RELB: variants seen among roughly 807,000 people sequenced by gnomAD.
RELB encodes RELB proto-oncogene, NF-kB subunit.
A neutral mutation model predicts 55.4 loss-of-function variants in RELB; 14 were observed. The observed-to-expected ratio is 0.25, with a 90% confidence interval of 0.17 to 0.40. RELB has a LOEUF of 0.40. Ranked by LOEUF, RELB falls within the 10% of genes least tolerant of loss-of-function variation. RELB has a pLI of 1.00. For missense variants in RELB, 669 were observed against 830.7 expected, an observed-to-expected ratio of 0.81 and a Z score of 2.39; for synonymous variants, 409 against 371.3, an observed-to-expected ratio of 1.10 and a Z score of -1.17.
intron 5 of RELB, 130 bp from the exon 6 acceptor site, chr19:45,025,199 C>T: frequency 1.5e-6 from 1 of 676,344 alleles, no homozygotes; most frequent in South Asian, 1.8e-5. Context: ...AATGCTGGGA[C>T]CCCTGGGCCT....
chr19:45,015,531 T>A (rs1057355628), intron 4 of RELB, among the ~76,000 whole-genome samples: 1 of 151,778 alleles, frequency 6.6e-6, no homozygotes, highest in South Asian at 2.1e-4. Flanking sequence ...GGCCAGGAGT[T>A]CAAGACCAGC....
rs757828292 is a variant in RELB at position 45,028,873 on chromosome 19, C to G, written c.887-15C>G. On this transcript the variant is annotated splice_polypyrimidine_tract_variant and intron_variant, in intron 7 of 11. Transcript: ENST00000221452. ...GATTTTTTTTAATACACTTCTTCCT[C>G]TTGCTCCTTCCCAGAATCCACAAAC... 1 of 1,570,160 alleles carries G rather than the reference C, an allele frequency of 6.4e-7. No individual in the cohort carries two copies. The highest frequency in any genetic ancestry group is 8.6e-7 in the Non-Finnish European group (1 of 1,157,232).
intron 8 of RELB, among the ~76,000 whole-genome samples, chr19:45,031,523 T>G (rs1445957861): frequency 6.6e-6 from 1 of 152,176 alleles, no homozygotes; most frequent in Non-Finnish European, 1.5e-5. Context: ...GTCCTCTTAC[T>G]GAACCACCTG....
chr19:45,005,042 G>T (rs548139128), intron 2 of RELB, among the ~76,000 whole-genome samples: 2 of 151,130 alleles, frequency 1.3e-5, no homozygotes, highest in Non-Finnish European at 2.9e-5. Context: ...GTGGTGGCAG[G>T]CACCTGTAAT....
At chr19:45,009,951 G>A in intron 3 of RELB, 129 bp downstream of exon 3, 1 of 945,992 alleles carries the variant, frequency 1.1e-6, no homozygotes, top group Non-Finnish European at 1.6e-6. Flanking sequence ...GACTGTGGAG[G>A]GATTTGAACG....
intron 2 of RELB, chr19:45,008,319 C>A: frequency 2.4e-6 from 1 of 424,360 alleles, no homozygotes; most frequent in Non-Finnish European, 4.8e-6. Context: ...GGCCCCACAA[C>A]TAGCAAGTTG....
At chr19:45,031,476 A>T (rs748635072) in intron 8 of RELB, among the ~76,000 whole-genome samples, 44 of 152,176 alleles carry the variant, frequency 2.9e-4, no homozygotes, top group Non-Finnish European at 5.7e-4. Context: ...GCCATAACAG[A>T]TCATAGCTGT....
chr19:45,001,520 C>A lies in RELB; in HGVS notation c.-60C>A. 2.0e-6 allele frequency: 2 copies of A among 979,974 alleles called. No homozygotes were observed. The highest frequency in any genetic ancestry group is 2.7e-6 in the Non-Finnish European group (2 of 735,506). The allele number at this position is 979,974 out of a possible 1,614,324, so 60.7% of individuals were successfully genotyped here. ...CTGCGGCCCCAGCCCTTGCGCCGCT[C>A]GTCCGACCCGCGATCGTCCACCAGA... is the stretch of plus-strand genomic sequence containing the variant. On this transcript the variant is annotated 5_prime_UTR_variant, in exon 1 of 12. Transcript: ENST00000221452.
chr19:45,012,054 C>T lies in RELB; in HGVS notation c.282C>T (p.Thr94=), dbSNP rs1455204009. 1.3e-6 allele frequency: 2 copies of T among 1,561,334 alleles called. No homozygotes were observed. Among genetic ancestry groups the T allele is most frequent in the East Asian group, 4.9e-5 (2 of 40,682 alleles). The change falls in exon 4 of 12, where the codon ACC becomes ACT. Residue 94 remains threonine, a synonymous_variant. Transcript: ENST00000221452. Reference sequence around the variant, plus strand: ...GGGCTGCGTCCCTGAGCACGGTCACCCTGGGCCCTGTGGCGCCCCCAGCCA... The same window carrying T: ...GGGCTGCGTCCCTGAGCACGGTCACTCTGGGCCCTGTGGCGCCCCCAGCCA... ...SRGAASLSTV[T]LGPVAPPATP...
At chr19:45,014,519 G>GT (rs1402817070) in intron 4 of RELB, among the ~76,000 whole-genome samples, 8 of 86,370 alleles carry the variant, frequency 9.3e-5, no homozygotes, top group Non-Finnish European at 1.7e-4. Context: ...GTTTTTTTTT[G>GT]TTTTTTGGTT....
At chr19:45,031,455 G>A (rs1228474569) in intron 8 of RELB, among the ~76,000 whole-genome samples, 1 of 152,088 alleles carries the variant, frequency 6.6e-6, no homozygotes, top group Non-Finnish European at 1.5e-5. Flanking sequence ...GACTGTGCCT[G>A]GTATCCTTTT....
At chr19:45,023,500 C>T (rs1410530230) in intron 5 of RELB, among the ~76,000 whole-genome samples, 4 of 151,646 alleles carry the variant, frequency 2.6e-5, no homozygotes, top group Admixed American at 2.0e-4. Flanking sequence ...TGCAGTGGCG[C>T]GATCTCGGCT....
chr19:45,009,679 C>T (rs546136166), intron 2 of RELB, 135 bp from the exon 3 acceptor site: 2 of 975,026 alleles, frequency 2.1e-6, no homozygotes, highest in Admixed American at 4.1e-5. Flanking sequence ...AAGTCAGAGC[C>T]CAGGGTTTCC....
At chr19:45,033,441 G>A (rs993485899) in intron 9 of RELB, among the ~76,000 whole-genome samples, 3 of 151,932 alleles carry the variant, frequency 2.0e-5, no homozygotes, top group Non-Finnish European at 4.4e-5. Context: ...TCACAGCACT[G>A]TGGGAGGCTG....
intron 5 of RELB, among the ~76,000 whole-genome samples, chr19:45,025,051 G>T (rs1383563556): frequency 6.6e-6 from 1 of 151,892 alleles, no homozygotes; most frequent in African/African-American, 2.4e-5. Context: ...TAGAGACAGG[G>T]TTTCACCATG....
At chr19:45,032,041 T>G (rs902537938) in intron 8 of RELB, among the ~76,000 whole-genome samples, 94 of 150,492 alleles carry the variant, frequency 6.2e-4, no homozygotes, top group African/African-American at 2.0e-3. Context: ...AGCGAGACCA[T>G]CCTGGCCAAC....
chr19:45,005,302 C>A (rs1437778258), intron 2 of RELB, among the ~76,000 whole-genome samples: 6 of 152,198 alleles, frequency 3.9e-5, no homozygotes, highest in Admixed American at 3.9e-4. Context: ...TCTATAAAGT[C>A]CCCCAGCCAA....
chr19:45,009,888 GGCCTTC>G (rs150557566), intron 3 of RELB, 66 bp downstream of exon 3: 602,956 of 1,496,322 alleles, frequency 0.4, 131,615 homozygotes, highest in Non-Finnish European at 0.44. Context: ...AGGGGGTCTT[GGCCTTC>G]CTTGTTCAGT....
At chr19:45,017,457 A>AAAAAAAAG (rs1157162142) in intron 4 of RELB, among the ~76,000 whole-genome samples, 2 of 151,350 alleles carry the variant, frequency 1.3e-5, no homozygotes, top group Non-Finnish European at 2.9e-5. Context: ...TCTAAAAAAA[A>AAAAAAAAG]AAAAAACAAT....
Sources: gnomAD v4.1 joint callset for allele counts (sites outside exome capture counted in the v4.1 genomes callset) on GRCh38, gnomAD v4.1.1 for gene constraint, MANE v1.5 for transcripts, NCBI Gene and HGNC (gene_info 2026-07-23, HGNC 2026-07-21) for gene names.